LIPK: variants seen among roughly 807,000 people sequenced by gnomAD.
LIPK encodes the protein lipase family member K.
A neutral mutation model predicts 48.6 loss-of-function variants in LIPK; 32 were observed. That is an observed-to-expected ratio of 0.66 (90% CI 0.50 to 0.88). The LOEUF is 0.88. Among genes scored for constraint, LIPK ranks in the 40% least tolerant of loss-of-function variants. The pLI is 0.00. For synonymous variants in LIPK, 164 were observed against 157.4 expected (o/e 1.04, Z -0.32); for missense variants, 507 against 478.5 (o/e 1.06, Z -0.56).
At chr10:88,737,613 G>C in intron 6 of LIPK, 22 bp from the exon 7 acceptor site, 5 of 1,611,102 alleles carry the variant, frequency 3.1e-6, no homozygotes, top group Non-Finnish European at 4.2e-6. Flanking sequence ...AAGATTTGAT[G>C]GTGTTTTAAA....
At chr10:88,751,131 C>T (rs909265484) in intron 9 of LIPK, among the ~76,000 whole-genome samples, 1 of 151,920 alleles carries the variant, frequency 6.6e-6, no homozygotes, top group African/African-American at 2.4e-5. Context: ...CATGTCATTC[C>T]CTAGCAAATA....
intron 8 of LIPK, 88 bp downstream of exon 8, chr10:88,740,155 C>A: frequency 2.4e-6 from 2 of 827,580 alleles, no homozygotes; most frequent in Non-Finnish European, 1.9e-6. Flanking sequence ...CAGGGTTCTG[C>A]TGGCACCTGC....
intron 2 of LIPK, among the ~76,000 whole-genome samples, chr10:88,726,581 C>G (rs969001700): frequency 1.3e-5 from 2 of 152,126 alleles, no homozygotes; most frequent in African/African-American, 4.8e-5. Flanking sequence ...TTAGTTCCAG[C>G]TACTTGGAAG....
At chr10:88,709,212 T>C (rs1841984762) in intron 1 of LIPK, among the ~76,000 whole-genome samples, 1 of 152,204 alleles carries the variant, frequency 6.6e-6, no homozygotes, top group Non-Finnish European at 1.5e-5. Flanking sequence ...CATGTTTACA[T>C]AATGCCACAA....
At chr10:88,716,605 C>A (rs936493973) in intron 1 of LIPK, among the ~76,000 whole-genome samples, 1 of 152,100 alleles carries the variant, frequency 6.6e-6, no homozygotes, top group Non-Finnish European at 1.5e-5. Context: ...GATCCACACG[C>A]CTCGGCCTCC....
At chr10:88,727,380 T>C in intron 3 of LIPK, 1 of 195,594 alleles carries the variant, frequency 5.1e-6, no homozygotes, top group South Asian at 1.1e-4. Flanking sequence ...CTACAATGCC[T>C]CCTCACTGGT....
At chr10:88,733,597 A>T (rs549991313) in intron 6 of LIPK, among the ~76,000 whole-genome samples, 2 of 152,314 alleles carry the variant, frequency 1.3e-5, no homozygotes, top group East Asian at 1.9e-4. Context: ...TGGGCCTCTT[A>T]TACCATTGAG....
At chr10:88,748,486 AG>A (rs1321969077) in intron 9 of LIPK, among the ~76,000 whole-genome samples, 1 of 151,918 alleles carries the variant, frequency 6.6e-6, no homozygotes, top group Non-Finnish European at 1.5e-5. Context: ...GTGTGGTGGC[AG>A]GCACCTGTAA....
intron 1 of LIPK, among the ~76,000 whole-genome samples, chr10:88,712,253 T>C (rs1428151400): frequency 1.3e-5 from 2 of 151,994 alleles, no homozygotes; most frequent in African/African-American, 4.8e-5. Flanking sequence ...CAATGATGAC[T>C]CTGAACTCTC....
intron 4 of LIPK, among the ~76,000 whole-genome samples, chr10:88,731,403 G>A (rs1842464887): frequency 6.6e-6 from 1 of 152,166 alleles, no homozygotes; most frequent in South Asian, 2.1e-4. Flanking sequence ...CCTGGTGTCT[G>A]CGTGTGAGTG....
At chr10:88,726,051 C>A (rs1262809924) in intron 2 of LIPK, among the ~76,000 whole-genome samples, 1 of 146,324 alleles carries the variant, frequency 6.8e-6, no homozygotes, top group Non-Finnish European at 1.5e-5. Flanking sequence ...CTCAGCTTAA[C>A]TTTCTCCTTC....
intron 1 of LIPK, among the ~76,000 whole-genome samples, chr10:88,715,670 C>T (rs1842102813): frequency 6.6e-6 from 1 of 151,710 alleles, no homozygotes; most frequent in South Asian, 2.1e-4. Context: ...TTAAATCTGC[C>T]ATTCTGATCT....
chr10:88,736,909 T>C (rs1842582956), intron 6 of LIPK, among the ~76,000 whole-genome samples: 1 of 152,218 alleles, frequency 6.6e-6, no homozygotes, highest in Non-Finnish European at 1.5e-5. Flanking sequence ...TTACTGTAAA[T>C]AGGTGTTTCC....
intron 1 of LIPK, among the ~76,000 whole-genome samples, chr10:88,720,259 C>T (rs539130391): frequency 6.6e-6 from 1 of 151,968 alleles, no homozygotes; most frequent in African/African-American, 2.4e-5. Flanking sequence ...TTAGCCTTTC[C>T]TTCATTATAT....
chr10:88,717,062 T>G (rs1266446180), intron 1 of LIPK, among the ~76,000 whole-genome samples: 3 of 152,078 alleles, frequency 2.0e-5, no homozygotes, highest in African/African-American at 7.2e-5. Flanking sequence ...ACACCAGAGA[T>G]GAAGAAGCGG....
intron 1 of LIPK, 74 bp from the exon 2 acceptor site, chr10:88,724,459 A>C (rs1842292878): frequency 1.2e-6 from 1 of 846,006 alleles, no homozygotes; most frequent in Non-Finnish European, 1.9e-6. Context: ...TAGCAGTGTT[A>C]TAAAAAGATT....
At chr10:88,722,759 T>G (rs945200224) in intron 1 of LIPK, among the ~76,000 whole-genome samples, 21 of 152,322 alleles carry the variant, frequency 1.4e-4, no homozygotes, top group Middle Eastern at 3.4e-3. Flanking sequence ...TGAGTTCAGA[T>G]TCTGCCTCCA....
chr10:88,725,597 C>T (rs1389720993), intron 2 of LIPK, among the ~76,000 whole-genome samples: 2 of 152,196 alleles, frequency 1.3e-5, no homozygotes, highest in Non-Finnish European at 2.9e-5. Flanking sequence ...CTTACTTTAG[C>T]ATTAATCTTT....
At chr10:88,731,244 A>G (rs1842461548) in intron 4 of LIPK, 63 bp downstream of exon 4, 15 of 1,305,948 alleles carry the variant, frequency 1.1e-5, no homozygotes, top group Non-Finnish European at 1.4e-5. Flanking sequence ...ATGAACACCT[A>G]GTGATTTTTT....
Sources: gnomAD v4.1 joint callset for allele counts (sites outside exome capture counted in the v4.1 genomes callset) on GRCh38, gnomAD v4.1.1 for gene constraint, MANE v1.5 for transcripts, NCBI Gene and HGNC (gene_info 2026-07-23, HGNC 2026-07-21) for gene names.